The following MYBPHL variants were observed in gnomAD, a reference collection of about 807,000 sequenced individuals.
The protein encoded by MYBPHL is myosin-binding protein H-like.
MYBPHL carries 32 observed loss-of-function variants against 39.5 expected under a neutral mutation model. That is an observed-to-expected ratio of 0.81 (90% confidence interval 0.61 to 1.09). The LOEUF (loss-of-function observed/expected upper bound fraction) is 1.09, where lower values mean the gene tolerates loss of function less well. MYBPHL is among the 50% of genes least tolerant of loss of function. The probability of loss-of-function intolerance (pLI) is 0.00; values close to 1 mark genes in which losing one functional copy is unlikely to be tolerated. For missense variants in MYBPHL, 456 were observed against 460.2 expected (o/e 0.99, Z 0.08); for synonymous variants, 196 against 183.7 (o/e 1.07, Z -0.54).
chr1:109,296,480 C>G, intron 5 of MYBPHL, 110 bp from the exon 6 acceptor site: 4 of 1,396,708 alleles, frequency 2.9e-6, no homozygotes, highest in Non-Finnish European at 3.9e-6. Context: ...ACTCTATTGC[C>G]CAGGCTGGAG....
chr1:109,303,620 C>T (rs1658367411), intron 1 of MYBPHL, among the ~76,000 whole-genome samples: 2 of 152,192 alleles, frequency 1.3e-5, no homozygotes, highest in African/African-American at 4.8e-5. Flanking sequence ...CTTCTAAAAC[C>T]TCCCTACCTT....
intron 1 of MYBPHL, among the ~76,000 whole-genome samples, chr1:109,302,179 A>T (rs1315742905): frequency 6.6e-6 from 1 of 151,876 alleles, no homozygotes; most frequent in Non-Finnish European, 1.5e-5. Context: ...TGAGAGAGAG[A>T]GGGAGCCTGC....
chr1:109,296,784 T>G lies in MYBPHL; in HGVS notation c.729A>C (p.Ala243=). The G allele has an allele frequency of 6.2e-7, 1 of 1,614,134 alleles. No homozygotes were observed. The highest frequency in any genetic ancestry group is 8.5e-7 in the Non-Finnish European group (1 of 1,180,010). The change falls in exon 5 of 9, where the codon GCA becomes GCC. Residue 243 remains alanine (A), a splice_region_variant and synonymous_variant. Transcript: ENST00000357155. ...ITTDLAHIQK[A]ATVYKTKGFA... is the part of the protein sequence containing the mutation. ...TCATGATCCCCATGCCTCCCTTACC[T>G]GCTTTCTGGATGTGGGCGAGGTCCG...
intron 1 of MYBPHL, among the ~76,000 whole-genome samples, chr1:109,304,498 AG>A (rs1166272449): frequency 2.0e-5 from 3 of 152,198 alleles, no homozygotes; most frequent in African/African-American, 7.2e-5. Flanking sequence ...AGGCACACAG[AG>A]ACCATCGTGA....
At chr1:109,298,288 T>C (rs770330083) in intron 1 of MYBPHL, 31 bp from the exon 2 acceptor site, 10 of 1,582,702 alleles carry the variant, frequency 6.3e-6, no homozygotes, top group East Asian at 2.3e-5. Context: ...GAATAGGAGA[T>C]GGATACTCAG....
chr1:109,294,182 G>T, intron 8 of MYBPHL, 24 bp downstream of exon 8: 2 of 1,441,904 alleles, frequency 1.4e-6, no homozygotes, highest in South Asian at 1.1e-5. Context: ...AATCCAGTGA[G>T]ACATCTTGCC....
intron 6 of MYBPHL, 57 bp from the exon 7 acceptor site, chr1:109,295,354 C>T: frequency 1.3e-6 from 2 of 1,496,342 alleles, no homozygotes; most frequent in Non-Finnish European, 1.8e-6. Flanking sequence ...AACCAATAGT[C>T]TTTCTGTGCT....
chr1:109,294,679 C>T (rs575539254), intron 7 of MYBPHL, among the ~76,000 whole-genome samples: 61 of 152,092 alleles, frequency 4.0e-4, no homozygotes, highest in Middle Eastern at 6.8e-3. Context: ...ATAAATAAAC[C>T]GGAGGGGAAG....
At chr1:109,296,416 C>G in intron 5 of MYBPHL, 46 bp from the exon 6 acceptor site, 1 of 1,601,704 alleles carries the variant, frequency 6.2e-7, no homozygotes, top group Non-Finnish European at 8.5e-7. Flanking sequence ...GAGATCCCAG[C>G]CCTCGTCGAC....
chr1:109,305,825 C>T (rs1005906831), intron 1 of MYBPHL, among the ~76,000 whole-genome samples: 3 of 152,224 alleles, frequency 2.0e-5, no homozygotes, highest in African/African-American at 7.2e-5. Context: ...GCAGCCTTCA[C>T]CTCTCACTTG....
In MYBPHL at chr1:109,297,031, C is replaced by T; in HGVS notation, c.570+19G>A. On this transcript the variant is annotated intron_variant, in intron 4 of 8. Transcript: ENST00000357155. ...CAACATGCCCTCTTCCACCCTCCTT[C>T]CTTCCCAGCTGGCCTCACCCCGGAT... 6.2e-7 allele frequency: 1 copy of T among 1,614,132 alleles called. No homozygotes were observed. Among genetic ancestry groups the T allele is most frequent in the Non-Finnish European group, 8.5e-7 (1 of 1,179,998 alleles).
At position 109,297,146 on chromosome 1, in the gene MYBPHL, C is replaced by T. The variant is rs780889162; in HGVS notation, c.474G>A (p.Trp158Ter). The T allele has an allele frequency of 7.4e-6, 12 of 1,614,072 alleles. No homozygotes were observed. Among genetic ancestry groups the T allele is most frequent in the South Asian group, 1.1e-5 (1 of 91,094 alleles). ...PPQSIKLVDVWGFSATLEWTP... is the reference protein window; with the variant it reads ...PPQSIKLVDV ...TCCATTCCAGTGTAGCGCTGAAGCCCCAAACGTCCACCAGCTTAATACTCT... is the reference window on the plus strand; with the variant it reads ...TCCATTCCAGTGTAGCGCTGAAGCCTCAAACGTCCACCAGCTTAATACTCT... Residue 158 changes from tryptophan to a stop codon, truncating the protein, a stop_gained, in exon 4 of 9, where the codon TGG becomes TGA. Coordinates refer to ENST00000357155, the MANE Select transcript of MYBPHL (RefSeq NM_001010985.3). LOFTEE classifies it high-confidence loss of function.
rs773257330 is a variant in MYBPHL, at chr1:109,297,425, T to C, written c.427A>G (p.Ile143Val). The change falls in exon 3 of 9, where the codon ATT becomes GTT. Residue 143 changes from isoleucine to valine, a missense_variant. By Grantham distance (29) the Ile-to-Val change is conservative. Transcript: ENST00000357155. ...TCTCCCACTTCCCCCACCGTACCAATCACCAGGATGTCAATGGTGGCGGTG... is the reference window on the plus strand; with the variant it reads ...TCTCCCACTTCCCCCACCGTACCAACCACCAGGATGTCAATGGTGGCGGTG... ...EATATIDILV[I>V]ERPGPPQSIK... The C allele has an allele frequency of 1.9e-6, 3 of 1,611,554 alleles. No individual in the cohort carries two copies. The South Asian group carries it at 3.3e-5, about 18-fold the overall frequency.
Position 109,294,194 on chromosome 1 carries a change from C to G in MYBPHL, c.*33+12G>C. 1 of 1,546,274 alleles carries G rather than the reference C, an allele frequency of 6.5e-7. No homozygotes were observed. ...AGTAATCCAGTGAGACATCTTGCCT[C>G]TCTTTACTTACCTTTGTCAGAGTAC... On this transcript the variant is annotated intron_variant, in intron 8 of 8. Coordinates refer to ENST00000357155, the MANE Select transcript of MYBPHL (RefSeq NM_001010985.3).
chr1:109,298,937 C>T (rs975152019), intron 1 of MYBPHL, among the ~76,000 whole-genome samples: 2 of 152,214 alleles, frequency 1.3e-5, no homozygotes. Context: ...TTTGATCTCA[C>T]AGGTCTGTCC....
chr1:109,301,023 C>T (rs1383494334), intron 1 of MYBPHL, among the ~76,000 whole-genome samples: 1 of 152,080 alleles, frequency 6.6e-6, no homozygotes, highest in Non-Finnish European at 1.5e-5. Flanking sequence ...CTTCAGATGC[C>T]CAGTCAGCAG....
Position 109,296,246 on chromosome 1 carries a change from G to T in MYBPHL, c.855C>A (p.Arg285=), listed in dbSNP as rs750440329. 8 of 1,613,504 alleles carry T rather than the reference G, an allele frequency of 5.0e-6. No individual in the cohort carries two copies. The change falls in exon 6 of 9, where the codon CGC becomes CGA. Residue 285 remains arginine (R), a synonymous_variant. Transcript: ENST00000357155. ...AGCCCCCACTCACCCGGGGAGAGGCGCGGACACAGCAGAAGAGCTGGGTAT... is the reference window on the plus strand; with the variant it reads ...AGCCCCCACTCACCCGGGGAGAGGCTCGGACACAGCAGAAGAGCTGGGTAT... ...GYNTQLFCCV[R]ASPRPKIIWL...
rs550302277 is a variant in MYBPHL, at chr1:109,294,741, T to C, written c.1054+370A>G. Among the ~76,000 whole-genome samples, 4 of 152,202 alleles carry C rather than the reference T, an allele frequency of 2.6e-5. No individual in the cohort carries two copies. The South Asian group carries it at 8.3e-4, about 32-fold the overall frequency. On this transcript the variant is annotated intron_variant, in intron 7 of 8. Transcript: ENST00000357155. ...AGCTTTCCTAGGCTGAGTCAGAAGA[T>C]TGCACAGCATAAAGAAAAATGAGCT...
intron 1 of MYBPHL, among the ~76,000 whole-genome samples, chr1:109,305,484 C>T (rs1035101860): frequency 7.2e-5 from 11 of 152,134 alleles, no homozygotes; most frequent in African/African-American, 2.7e-4. Flanking sequence ...GAGCTGGCTG[C>T]AGCCAGAGGG....
Sources: gnomAD v4.1 joint callset for allele counts (sites outside exome capture counted in the v4.1 genomes callset) on GRCh38, gnomAD v4.1.1 for gene constraint, MANE v1.5 for transcripts, NCBI Gene and HGNC (gene_info 2026-07-23, HGNC 2026-07-21) for gene names.